The following SNX18 variants were observed in gnomAD, a reference collection of about 807,000 sequenced individuals.
SNX18 encodes sorting nexin-18.
A neutral mutation model predicts 48.7 loss-of-function variants in SNX18; 35 were observed. The observed-to-expected ratio is 0.72, with a 90% confidence interval of 0.55 to 0.95. The LOEUF (loss-of-function observed/expected upper bound fraction) is 0.95. Ranked by LOEUF, SNX18 falls within the 40% of genes least tolerant of loss-of-function variation. The probability of loss-of-function intolerance (pLI) is 0.00; values close to 1 mark genes in which losing one functional copy is unlikely to be tolerated. For missense variants in SNX18, 824 were observed against 871.0 expected (o/e 0.95, Z 0.68); for synonymous variants, 492 against 384.7 (o/e 1.28, Z -3.26).
downstream of SNX18, among the ~76,000 whole-genome samples, chr5:54,550,185 A>G (rs1023283508): frequency 4.6e-5 from 7 of 152,230 alleles, no homozygotes; most frequent in Non-Finnish European, 5.9e-5. Flanking sequence ...ACATATTCAC[A>G]TATGGCTATA....
chr5:54,589,914 C>T, the SNX18 span, among the ~76,000 whole-genome samples: 4 of 152,196 alleles, frequency 2.6e-5, no homozygotes, highest in Admixed American at 1.3e-4. Context: ...CTCAGCCTCC[C>T]GAGTAGCTGG....
At chr5:54,547,763 G>T (rs1275352923), downstream of SNX18, among the ~76,000 whole-genome samples, 6 of 152,310 alleles carry the variant, frequency 3.9e-5, no homozygotes, top group East Asian at 9.6e-4. Context: ...TCACCTCCAT[G>T]CAGTGCCAAT....
the SNX18 span, among the ~76,000 whole-genome samples, chr5:54,640,695 C>T: frequency 6.6e-6 from 1 of 152,108 alleles, no homozygotes; most frequent in South Asian, 2.1e-4. Flanking sequence ...AGAGGGTTCT[C>T]CTAGGGCTCT....
the SNX18 span, among the ~76,000 whole-genome samples, chr5:54,585,283 CT>C: frequency 1.7e-4 from 25 of 146,222 alleles, no homozygotes; most frequent in Non-Finnish European, 3.0e-4. Flanking sequence ...CAGAGTGAGA[CT>C]CTGTCCCAAA....
the SNX18 span, among the ~76,000 whole-genome samples, chr5:54,578,524 C>T: frequency 6.6e-6 from 1 of 152,184 alleles, no homozygotes; most frequent in Non-Finnish European, 1.5e-5. Flanking sequence ...AGGCAGGCAC[C>T]ATCAGTTAAT....
chr5:54,620,003 C>A, the SNX18 span, among the ~76,000 whole-genome samples: 9 of 152,052 alleles, frequency 5.9e-5, no homozygotes, highest in Admixed American at 1.3e-4. Flanking sequence ...AAACGGAAGG[C>A]GGTTTTTATG....
rs1292614786 is a variant in SNX18, at chr5:54,518,379, G to T, written c.427G>T (p.Gly143Cys). 2 of 1,570,824 alleles carry T rather than the reference G, an allele frequency of 1.3e-6. No individual in the cohort carries two copies. The highest frequency in any genetic ancestry group is 1.2e-5 in the South Asian group (1 of 85,986). The part of the protein sequence containing the change: ...LQPSPQQLYG[G>C]YQASQGSDDD... ...GCCGTCGCCTCAGCAGCTCTACGGC[G>T]GCTACCAGGCCAGCCAAGGCAGCGA... The change falls in exon 1 of 2, where the codon GGC becomes TGC. Residue 143 changes from glycine (G) to cysteine (C), a missense_variant. Transcript: ENST00000381410.
the SNX18 span, among the ~76,000 whole-genome samples, chr5:54,617,452 T>A: frequency 6.6e-6 from 1 of 152,202 alleles, no homozygotes; most frequent in African/African-American, 2.4e-5. Context: ...CCCTCCCAAG[T>A]AAAACTTCTC....
chr5:54,568,180 C>A, the SNX18 span, among the ~76,000 whole-genome samples: 1 of 152,140 alleles, frequency 6.6e-6, no homozygotes, highest in African/African-American at 2.4e-5. Context: ...TTCAAGAGGG[C>A]AAAGACCTCA....
At position 54,543,506 on chromosome 5, in the gene SNX18, G is replaced by A; in HGVS notation, c.*74G>A. 1 of 1,538,962 alleles carries A rather than the reference G, an allele frequency of 6.5e-7. No individual in the cohort carries two copies. Among genetic ancestry groups the A allele is most frequent in the Non-Finnish European group, 8.8e-7 (1 of 1,134,568 alleles). On this transcript the variant is annotated 3_prime_UTR_variant, in exon 2 of 2. Transcript: ENST00000381410. Reference sequence around the variant, plus strand: ...CAGCAGAATAAAAACTGCTGTCAAAGAGCTATTGCCAGCTATCAGTGGTGG... The same window carrying A: ...CAGCAGAATAAAAACTGCTGTCAAAAAGCTATTGCCAGCTATCAGTGGTGG...
At chr5:54,638,575 T>C in the SNX18 span, among the ~76,000 whole-genome samples, 2 of 152,350 alleles carry the variant, frequency 1.3e-5, no homozygotes, top group South Asian at 4.1e-4. Context: ...TTATTTGTCA[T>C]TTCCTGACAT....
the SNX18 span, among the ~76,000 whole-genome samples, chr5:54,588,011 T>C: frequency 2.6e-5 from 4 of 152,128 alleles, no homozygotes; most frequent in African/African-American, 7.2e-5. Flanking sequence ...TCTCCTTTCA[T>C]AGAAGGAGGA....
intron 1 of SNX18, among the ~76,000 whole-genome samples, chr5:54,527,615 G>A (rs1406040436): frequency 6.6e-6 from 1 of 152,196 alleles, no homozygotes; most frequent in Non-Finnish European, 1.5e-5. Flanking sequence ...CCCAACACAA[G>A]CACTTTCTAG....
chr5:54,592,649 A>G, the SNX18 span, among the ~76,000 whole-genome samples: 1 of 152,246 alleles, frequency 6.6e-6, no homozygotes, highest in Non-Finnish European at 1.5e-5. Flanking sequence ...AGGGCAATGC[A>G]TGAATAACAT....
At chr5:54,519,829 T>C in intron 1 of SNX18, 3 of 1,600,294 alleles carry the variant, frequency 1.9e-6, no homozygotes, top group South Asian at 1.1e-5. Flanking sequence ...ATGACAGTGC[T>C]ATCATTTTAG....
chr5:54,564,417 A>G, the SNX18 span, among the ~76,000 whole-genome samples: 1 of 152,166 alleles, frequency 6.6e-6, no homozygotes, highest in Admixed American at 6.5e-5. Context: ...ACTTGCATAA[A>G]TGACTACTTC....
chr5:54,633,575 CT>C, the SNX18 span, among the ~76,000 whole-genome samples: 4 of 152,142 alleles, frequency 2.6e-5, no homozygotes, highest in African/African-American at 9.7e-5. Flanking sequence ...CTTAACACCC[CT>C]GTGTCTCAGT....
At chr5:54,534,823 A>G (rs1762322449) in intron 1 of SNX18, among the ~76,000 whole-genome samples, 1 of 152,156 alleles carries the variant, frequency 6.6e-6, no homozygotes, top group Admixed American at 6.5e-5. Flanking sequence ...GTTGAGTTTC[A>G]GCTTGCAGTG....
chr5:54,548,757 G>A (rs568500908), downstream of SNX18, among the ~76,000 whole-genome samples: 1 of 152,250 alleles, frequency 6.6e-6, no homozygotes, highest in South Asian at 2.1e-4. Flanking sequence ...GTGACCATGG[G>A]CTAGTCACTT....
Sources: gnomAD v4.1 joint callset for allele counts (sites outside exome capture counted in the v4.1 genomes callset) on GRCh38, gnomAD v4.1.1 for gene constraint, MANE v1.5 for transcripts, NCBI Gene and HGNC (gene_info 2026-07-23, HGNC 2026-07-21) for gene names.